Variants in KCNH8 observed in about 807,000 individuals in gnomAD.
The protein encoded by KCNH8 is potassium voltage-gated channel subfamily H member 8.
Under a neutral mutation model 103.6 loss-of-function variants are expected in KCNH8, and 70 were observed. The observed-to-expected ratio is 0.68, with a 90% CI of 0.56 to 0.82. The LOEUF is 0.82. KCNH8 is among the 40% of genes least tolerant of loss of function. The pLI is 0.00. For missense variants in KCNH8, 1,217 were observed against 1,329.9 expected, an observed-to-expected ratio of 0.92 and a Z score of 1.32; for synonymous variants, 498 against 489.4, an observed-to-expected ratio of 1.02 and a Z score of -0.23.
At chr3:19,518,483 C>T (rs1037678727) in intron 15 of KCNH8, among the ~76,000 whole-genome samples, 5 of 151,988 alleles carry the variant, frequency 3.3e-5, no homozygotes, top group African/African-American at 1.2e-4. Context: ...TCAGTGTAGT[C>T]AAATGGCCTG....
chr3:19,437,369 A>G (rs2067215036), intron 7 of KCNH8, among the ~76,000 whole-genome samples: 1 of 152,308 alleles, frequency 6.6e-6, no homozygotes, highest in Non-Finnish European at 1.5e-5. Context: ...CTATCTTCTC[A>G]TGTTTATTAA....
chr3:19,252,983 A>G (rs913923623), intron 1 of KCNH8, among the ~76,000 whole-genome samples: 1 of 152,120 alleles, frequency 6.6e-6, no homozygotes, highest in African/African-American at 2.4e-5. Context: ...ACATATTGAC[A>G]TCCCAGGAGT....
At chr3:19,170,175 GA>G (rs1252451089) in intron 1 of KCNH8, among the ~76,000 whole-genome samples, 3 of 151,902 alleles carry the variant, frequency 2.0e-5, no homozygotes, top group Admixed American at 6.6e-5. Context: ...GAATATTGAG[GA>G]AAAAAACATT....
chr3:19,450,729 G>A (rs987775341), intron 9 of KCNH8: 5 of 278,700 alleles, frequency 1.8e-5, no homozygotes, highest in Non-Finnish European at 3.4e-5. Flanking sequence ...TATAAAAACA[G>A]TATTATATAA....
chr3:19,163,838 G>T (rs765136253), intron 1 of KCNH8, among the ~76,000 whole-genome samples: 1 of 152,066 alleles, frequency 6.6e-6, no homozygotes, highest in Non-Finnish European at 1.5e-5. Flanking sequence ...TTAATGAATA[G>T]TAAATCTATT....
At chr3:19,260,576 T>G (rs1237029720) in intron 2 of KCNH8, among the ~76,000 whole-genome samples, 2 of 138,812 alleles carry the variant, frequency 1.4e-5, no homozygotes, top group Non-Finnish European at 3.1e-5. Context: ...ATATCCATTA[T>G]CTCACAGAGT....
intron 3 of KCNH8, among the ~76,000 whole-genome samples, chr3:19,321,128 G>A (rs2065344912): frequency 6.6e-6 from 1 of 151,782 alleles, no homozygotes; most frequent in Non-Finnish European, 1.5e-5. Flanking sequence ...TCTTTTTAAA[G>A]AACCAGGTTT....
At position 19,513,286 on chromosome 3, in the gene KCNH8, C is replaced by A; in HGVS notation, c.2396C>A (p.Ser799Ter). Residue 799 changes from serine (S) to a stop codon, truncating the protein, a stop_gained, in exon 13 of 16, where the codon TCA becomes TAA. Coordinates refer to ENST00000328405, the MANE Select transcript of KCNH8 (RefSeq NM_144633.3). LOFTEE classifies it high-confidence loss of function. ...GAGAAGAACTTGAAATTGCAACTTTCAACTTTGAATAATGCTGGACCCCCA... is the reference window on the plus strand; with the variant it reads ...GAGAAGAACTTGAAATTGCAACTTTAAACTTTGAATAATGCTGGACCCCCA... ...RKEKNLKLQL[S>*]TLNNAGPPDL... is the part of the protein sequence containing the mutation. 2.5e-6 allele frequency: 4 copies of A among 1,612,094 alleles called. No individual in the cohort carries two copies. The highest frequency in any genetic ancestry group is 3.4e-6 in the Non-Finnish European group (4 of 1,179,332).
chr3:19,214,367 A>T (rs949015169), intron 1 of KCNH8, among the ~76,000 whole-genome samples: 70 of 152,312 alleles, frequency 4.6e-4, no homozygotes, highest in African/African-American at 1.7e-3. Flanking sequence ...AGCATTGGCC[A>T]CAAAACACAT....
chr3:19,506,087 T>C (rs963071953), intron 11 of KCNH8, among the ~76,000 whole-genome samples: 3 of 152,228 alleles, frequency 2.0e-5, no homozygotes, highest in African/African-American at 7.2e-5. Flanking sequence ...TTCCTTGTAC[T>C]GGGTACTGAC....
intron 3 of KCNH8, among the ~76,000 whole-genome samples, chr3:19,318,187 C>G (rs1407495823): frequency 6.6e-6 from 1 of 151,876 alleles, no homozygotes; most frequent in Non-Finnish European, 1.5e-5. Context: ...CAACAACAGA[C>G]AAGCAGAGAG....
At chr3:19,376,215 G>A (rs932090298) in intron 5 of KCNH8, among the ~76,000 whole-genome samples, 57 of 152,230 alleles carry the variant, frequency 3.7e-4, no homozygotes, top group Non-Finnish European at 7.3e-4. Flanking sequence ...CCGCCTTGCA[G>A]TTTGATCTCA....
chr3:19,424,777 G>T (rs1048161868), intron 7 of KCNH8, among the ~76,000 whole-genome samples: 2 of 151,820 alleles, frequency 1.3e-5, no homozygotes, highest in South Asian at 4.2e-4. Flanking sequence ...TAAAAAAGTG[G>T]GCAAAGGACA....
At chr3:19,365,611 C>T (rs12485979) in intron 5 of KCNH8, among the ~76,000 whole-genome samples, 19,330 of 151,968 alleles carry the variant, frequency 0.13, 1,304 homozygotes, top group African/African-American at 0.18. Context: ...TAAGCAAATA[C>T]GTACTGAGTG....
rs184995247 is a variant in KCNH8, at chr3:19,464,054, T to C, written c.2040+7072T>C. ...TATAAACTAAAATACCAGAGGACTT[T>C]CTGTACATTGAAATACCAAAGACTG... On this transcript the variant is annotated intron_variant, in intron 11 of 15. Coordinates refer to ENST00000328405, the MANE Select transcript of KCNH8 (RefSeq NM_144633.3). 1.6e-3 allele frequency among the ~76,000 whole-genome samples: 240 copies of C among 152,244 alleles called. 4 individuals are homozygous for C. Among genetic ancestry groups the C allele is most frequent in the East Asian group, 4.0e-3 (21 of 5,186 alleles).
chr3:19,350,018 T>A (rs920002988), intron 5 of KCNH8, among the ~76,000 whole-genome samples: 6 of 152,124 alleles, frequency 3.9e-5, no homozygotes, highest in African/African-American at 1.4e-4. Context: ...TGAAATCTCT[T>A]GTTGACCAAC....
chr3:19,300,705 C>T (rs552234793), intron 3 of KCNH8, among the ~76,000 whole-genome samples: 1 of 152,010 alleles, frequency 6.6e-6, no homozygotes, highest in South Asian at 2.1e-4. Flanking sequence ...CCTGGGGAAA[C>T]ATTTAGGTCA....
At chr3:19,340,726 T>A (rs2125315852) in intron 3 of KCNH8, among the ~76,000 whole-genome samples, 1 of 152,288 alleles carries the variant, frequency 6.6e-6, no homozygotes, top group Non-Finnish European at 1.5e-5. Flanking sequence ...TATATTTTTG[T>A]GTGACAACAG....
intron 1 of KCNH8, among the ~76,000 whole-genome samples, chr3:19,181,657 G>A (rs1324251109): frequency 6.6e-6 from 1 of 152,064 alleles, no homozygotes. Context: ...AAATAGAAAA[G>A]TTGAATAAGC....
Sources: allele counts gnomAD v4.1 joint callset (sites outside exome capture counted in the v4.1 genomes callset), GRCh38; gene constraint gnomAD v4.1.1; transcripts MANE v1.5; gene names NCBI Gene and HGNC (gene_info 2026-07-23, HGNC 2026-07-21).